FAM227B: variants seen among roughly 807,000 people sequenced by gnomAD.
The protein encoded by FAM227B is family with sequence similarity 227 member B.
Under a neutral mutation model 73.8 loss-of-function variants are expected in FAM227B, and 88 were observed. That is an observed-to-expected ratio of 1.19 (90% CI 1.00 to 1.42). The LOEUF is 1.42. Ranked by LOEUF, FAM227B falls within the 40% of genes most tolerant of loss-of-function variation. FAM227B has a pLI of 0.00. For synonymous variants in FAM227B, 210 were observed against 190.5 expected, an observed-to-expected ratio of 1.10 and a Z score of -0.84; for missense variants, 632 against 590.9, an observed-to-expected ratio of 1.07 and a Z score of -0.72.
intron 11 of FAM227B, among the ~76,000 whole-genome samples, chr15:49,422,917 C>G (rs889881979): frequency 1.3e-5 from 2 of 152,088 alleles, no homozygotes; most frequent in Non-Finnish European, 1.5e-5. Context: ...AAAAGATTTT[C>G]TAAGTATTAA....
chr15:49,576,793 T>C lies in FAM227B; in HGVS notation c.494A>G (p.His165Arg), dbSNP rs746925941. Residue 165 changes from histidine (H) to arginine (R), a missense_variant, in exon 7 of 16, where the codon CAT becomes CGT. By Grantham distance (29) the His-to-Arg change is conservative (BLOSUM62 0). Transcript: ENST00000299338. Reference sequence around the variant, plus strand: ...AAGATAAATTTGTTCAGCATCCAAATGTCTGGGTAGCTGAGTAAGTTCATT... The same window carrying C: ...AAGATAAATTTGTTCAGCATCCAAACGTCTGGGTAGCTGAGTAAGTTCATT... ...KANELTQLPRHLDAEQIYLFI... is the reference protein window; with the variant it reads ...KANELTQLPRRLDAEQIYLFI... The C allele has an allele frequency of 6.2e-7, 1 of 1,613,212 alleles. No individual in the cohort carries two copies. Among genetic ancestry groups the C allele is most frequent in the South Asian group, 1.1e-5 (1 of 90,966 alleles).
intron 11 of FAM227B, among the ~76,000 whole-genome samples, chr15:49,430,537 G>A (rs990118519): frequency 1.3e-5 from 2 of 151,820 alleles, no homozygotes; most frequent in Non-Finnish European, 2.9e-5. Flanking sequence ...GAATACTGCA[G>A]ATTGGATAAT....
chr15:49,509,586 CTTT>C (rs139674625), intron 10 of FAM227B, among the ~76,000 whole-genome samples: 109,501 of 139,880 alleles, frequency 0.78, 44,362 homozygotes, highest in Non-Finnish European at 0.89. Context: ...TTCACTGTTA[CTTT>C]TTTTTTTTTT....
intron 11 of FAM227B, among the ~76,000 whole-genome samples, chr15:49,433,156 A>G (rs2050764820): frequency 6.6e-6 from 1 of 151,448 alleles, no homozygotes; most frequent in Non-Finnish European, 1.5e-5. Context: ...TTCTTCAAAG[A>G]AATCAATTAT....
At chr15:49,503,942 T>C (rs1255456783) in intron 11 of FAM227B, among the ~76,000 whole-genome samples, 1 of 152,012 alleles carries the variant, frequency 6.6e-6, no homozygotes, top group Non-Finnish European at 1.5e-5. Context: ...ACCCAAAGGA[T>C]TATAAATCAT....
intron 15 of FAM227B, chr15:49,329,067 T>C (rs2038082098): frequency 2.0e-6 from 2 of 996,172 alleles, no homozygotes; most frequent in Non-Finnish European, 2.4e-6. Flanking sequence ...CAAGAGGCAC[T>C]TCCAAGAAAT....
At chr15:49,502,276 A>G (rs2152094156) in intron 11 of FAM227B, among the ~76,000 whole-genome samples, 1 of 152,324 alleles carries the variant, frequency 6.6e-6, no homozygotes, top group Non-Finnish European at 1.5e-5. Flanking sequence ...GGCAGCTTGC[A>G]CCCTGAATCT....
chr15:49,356,121 A>G (rs2043123446), intron 13 of FAM227B, among the ~76,000 whole-genome samples: 1 of 152,208 alleles, frequency 6.6e-6, no homozygotes, highest in Non-Finnish European at 1.5e-5. Flanking sequence ...AACCGGTACC[A>G]GCCGCTGTAA....
At chr15:49,612,566 G>A (rs2078013351) in intron 2 of FAM227B, among the ~76,000 whole-genome samples, 1 of 152,124 alleles carries the variant, frequency 6.6e-6, no homozygotes, top group African/African-American at 2.4e-5. Context: ...ATGAGTAGAT[G>A]AATGTCAGAA....
intron 11 of FAM227B, among the ~76,000 whole-genome samples, chr15:49,495,120 C>G (rs2057481811): frequency 6.6e-6 from 1 of 152,086 alleles, no homozygotes; most frequent in Admixed American, 6.5e-5. Flanking sequence ...TAATGGAAAC[C>G]TGCTGTTTCA....
intron 11 of FAM227B, chr15:49,485,345 G>T (rs1433065897): frequency 6.6e-6 from 1 of 151,928 alleles, no homozygotes; most frequent in Non-Finnish European, 1.5e-5. Flanking sequence ...ATTCATATTT[G>T]GGAATATGGC....
Position 49,522,337 on chromosome 15 carries a change from T to G in FAM227B, c.875-13989A>C, listed in dbSNP as rs1445034311. ...TAGCAAATTTAAAAATAAGAAGTGA[T>G]AGCTTCTTCAGTTGAGAAGGATTCT... On this transcript the variant is annotated intron_variant, in intron 10 of 15. Coordinates refer to ENST00000299338, the MANE Select transcript of FAM227B (RefSeq NM_152647.3). 3.9e-5 allele frequency among the ~76,000 whole-genome samples: 6 copies of G among 152,146 alleles called. No homozygotes were observed. In the East Asian group the frequency reaches 1.2e-3, roughly 29 times the overall value.
At chr15:49,359,662 C>A (rs374635727) in intron 13 of FAM227B, among the ~76,000 whole-genome samples, 31 of 133,256 alleles carry the variant, frequency 2.3e-4, no homozygotes, top group African/African-American at 6.3e-4. Context: ...TAGTTCAACC[C>A]TTGTGGAAGT....
chr15:49,439,430 G>A (rs568234290), intron 11 of FAM227B, among the ~76,000 whole-genome samples: 98 of 151,622 alleles, frequency 6.5e-4, no homozygotes, highest in Non-Finnish European at 1.2e-3. Context: ...AGTAAAACGT[G>A]GGGGGAGGGA....
chr15:49,545,631 C>T (rs1393195893), intron 9 of FAM227B, among the ~76,000 whole-genome samples: 1 of 152,116 alleles, frequency 6.6e-6, no homozygotes, highest in Middle Eastern at 3.2e-3. Context: ...ACATTTAATG[C>T]TATGAACTTT....
intron 13 of FAM227B, among the ~76,000 whole-genome samples, chr15:49,338,870 A>C (rs906175250): frequency 2.6e-5 from 4 of 151,600 alleles, no homozygotes; most frequent in African/African-American, 9.7e-5. Context: ...GCTTTACTTC[A>C]TTGAGTTGAT....
At chr15:49,329,881 C>A in intron 15 of FAM227B, 2 of 541,364 alleles carry the variant, frequency 3.7e-6, no homozygotes, top group Non-Finnish European at 4.7e-6. Flanking sequence ...ATTTCTTCTT[C>A]ACAAAAGGTG....
At chr15:49,349,297 AATT>A (rs2041935014) in intron 13 of FAM227B, among the ~76,000 whole-genome samples, 1 of 152,130 alleles carries the variant, frequency 6.6e-6, no homozygotes, top group African/African-American at 2.4e-5. Context: ...TTCTTATAAA[AATT>A]ATTAATTTCA....
chr15:49,424,750 C>A, intron 11 of FAM227B: 2 of 512,654 alleles, frequency 3.9e-6, no homozygotes, highest in Non-Finnish European at 6.6e-6. Flanking sequence ...CTAAAAATAT[C>A]TCTTTTAACA....
Sources: allele counts gnomAD v4.1 joint callset (sites outside exome capture counted in the v4.1 genomes callset), GRCh38; gene constraint gnomAD v4.1.1; transcripts MANE v1.5; gene names NCBI Gene and HGNC (gene_info 2026-07-23, HGNC 2026-07-21).